PLCD3: variants seen among roughly 807,000 people sequenced by gnomAD.
The protein encoded by PLCD3 is phospholipase C delta 3, also known as 1-phosphatidylinositol 4,5-bisphosphate phosphodiesterase delta-3.
In PLCD3, 62 loss-of-function variants were observed where a neutral mutation model predicts 82.8. The ratio of observed to expected loss-of-function variants is 0.75; its 90% confidence interval spans 0.61 to 0.93. PLCD3 has a LOEUF of 0.93. Among genes scored for constraint, PLCD3 ranks in the 40% least tolerant of loss-of-function variants. The pLI, the probability that PLCD3 is intolerant of heterozygous loss-of-function variation, is 0.00. For synonymous variants in PLCD3, 478 were observed against 471.8 expected (o/e 1.01, Z -0.17); for missense variants, 1,023 against 1,103.4 (o/e 0.93, Z 1.03).
Position 45,132,324 on chromosome 17 carries a change from C to A in PLCD3, c.87G>T (p.Pro29=). The A allele has an allele frequency of 8.1e-7, 1 of 1,240,786 alleles. No homozygotes were observed. Among genetic ancestry groups the A allele is most frequent in the South Asian group, 4.0e-5 (1 of 25,112 alleles). The allele number at this position is 1,240,786 out of a possible 1,614,324, so 76.9% of individuals were successfully genotyped here. Reference sequence around the variant, plus strand: ...GAGTCGGCGGGGACGGGAGAGCGACCGGCGCCGCGACTTGGGCTGCGACCT... The same window carrying A: ...GAGTCGGCGGGGACGGGAGAGCGACAGGCGCCGCGACTTGGGCTGCGACCT... ...AAQVAAQVAA[P]VALPSPPTPS... Residue 29 remains proline (P), a synonymous_variant, in exon 1 of 15, where the codon CCG becomes CCT. Transcript: ENST00000619929. The surrounding 1 kb of genome is among the most constrained non-coding windows in gnomAD (Gnocchi z 4.6).
At chr17:45,127,550 C>G (rs562808700) in intron 1 of PLCD3, among the ~76,000 whole-genome samples, 1 of 152,306 alleles carries the variant, frequency 6.6e-6, no homozygotes, top group South Asian at 2.1e-4. Flanking sequence ...ACAGGTGCAC[C>G]ACTGAGCTCA....
Position 45,115,330 on chromosome 17 carries a change from A to T in PLCD3, c.1560+14T>A. On this transcript the variant is annotated intron_variant, in intron 9 of 14. Coordinates refer to ENST00000619929, the MANE Select transcript of PLCD3 (RefSeq NM_133373.5). ...CTTCCCCCCCTTCCCCACCCCACCCATCCCAGCTCTCACCAGCCGCCTCTG... is the reference window on the plus strand; with the variant it reads ...CTTCCCCCCCTTCCCCACCCCACCCTTCCCAGCTCTCACCAGCCGCCTCTG... The T allele has an allele frequency of 2.9e-6, 1 of 347,330 alleles. No homozygotes were observed. The highest frequency in any genetic ancestry group is 2.7e-5 in the South Asian group (1 of 36,518). 21.5% of individuals were successfully genotyped at this position (347,330 alleles called of 1,614,324 possible). A position where few individuals can be genotyped will look rare whatever the true frequency, so the allele number is the denominator to read the frequency against.
chr17:45,127,021 G>A (rs979576050), intron 1 of PLCD3, among the ~76,000 whole-genome samples: 1 of 152,236 alleles, frequency 6.6e-6, no homozygotes, highest in Non-Finnish European at 1.5e-5. Flanking sequence ...GTCGGCACCC[G>A]GTGGGGCTGA....
Position 45,118,699 on chromosome 17 carries a change from G to T in PLCD3, c.913+116C>A. On this transcript the variant is annotated intron_variant, in intron 5 of 14. Transcript: ENST00000619929. This position sits in a 1 kb window ranked among gnomAD's most constrained non-coding sequence, Gnocchi z 4.1. ...TTTTACACATGTGGAAGCTGAGTCT[G>T]GAGGAGGTGAGGTAACCTGCCCGAG... 8.5e-7 allele frequency: 1 copy of T among 1,179,916 alleles called. No individual in the cohort carries two copies. Among genetic ancestry groups the T allele is most frequent in the Non-Finnish European group, 1.2e-6 (1 of 849,840 alleles). The allele number at this position is 1,179,916 out of a possible 1,614,324, so 73.1% of individuals were successfully genotyped here. A position where few individuals can be genotyped will look rare whatever the true frequency, so the allele number is the denominator to read the frequency against.
chr17:45,125,160 CTGTTTAAAA>C (rs2054371808), intron 1 of PLCD3, among the ~76,000 whole-genome samples: 1 of 150,742 alleles, frequency 6.6e-6, no homozygotes. Flanking sequence ...AACCCTGTTT[CTGTTTAAAA>C]TATAAAACAT....
In PLCD3 at chr17:45,121,060, G is replaced by A. The variant is rs1219493364; in HGVS notation, c.396C>T (p.Ala132=). Residue 132 remains alanine (A), a synonymous_variant, in exon 3 of 15, where the codon GCC becomes GCT. Coordinates refer to ENST00000619929, the MANE Select transcript of PLCD3 (RefSeq NM_133373.5). ...QSEGLRRFGG[A]FAPARCLTIA... is the part of the protein sequence containing the mutation. ...TGGTGAGGCAGCGCGCTGGCGCGAA[G>A]GCACCCCCGAAGCGCCGCAGGCCCT... 5 of 1,542,190 alleles carry A rather than the reference G, an allele frequency of 3.2e-6. No individual in the cohort carries two copies. Among genetic ancestry groups the A allele is most frequent in the Non-Finnish European group, 4.3e-6 (5 of 1,152,170 alleles).
intron 1 of PLCD3, chr17:45,129,076 TACC>T (rs1297877768): frequency 2.0e-5 from 3 of 152,244 alleles, no homozygotes; most frequent in Non-Finnish European, 4.4e-5. Context: ...AGGCTACTGG[TACC>T]ACCTACCTCA....
Position 45,118,951 on chromosome 17 carries a change from G to T in PLCD3, c.777C>A (p.Ile259=), listed in dbSNP as rs764100366. 1.2e-6 allele frequency: 2 copies of T among 1,612,662 alleles called. No homozygotes were observed. The highest frequency in any genetic ancestry group is 8.5e-7 in the Non-Finnish European group (1 of 1,179,698). Residue 259 remains isoleucine, a synonymous_variant, in exon 5 of 15, where the codon ATC becomes ATA. Coordinates refer to ENST00000619929, the MANE Select transcript of PLCD3 (RefSeq NM_133373.5). This position sits in a 1 kb window ranked among gnomAD's most constrained non-coding sequence, Gnocchi z 4.1. ...RLLKRPELEE[I]FHQYSGEDRV... The stretch of plus-strand genomic sequence containing the variant: ...GGTCCTCGCCCGAGTACTGATGGAA[G>T]ATCTCCTCCAGCTCCGGCCGCTTCA...
At chr17:45,128,207 A>G (rs2054395834) in intron 1 of PLCD3, among the ~76,000 whole-genome samples, 2 of 152,184 alleles carry the variant, frequency 1.3e-5, no homozygotes, top group Admixed American at 6.5e-5. Flanking sequence ...TGGAGAATCA[A>G]CAAAGTCAGG....
Position 45,115,389 on chromosome 17 carries a change from G to T in PLCD3, c.1515C>A (p.Asp505Glu). The T allele has an allele frequency of 6.3e-7, 1 of 1,587,286 alleles. No individual in the cohort carries two copies. Among genetic ancestry groups the T allele is most frequent in the Non-Finnish European group, 8.6e-7 (1 of 1,168,634 alleles). ...CCTCCACCTCCTCTTCTTCCTCCTCGTCATCCTCCTCCTCCTCCTCCCGAT... is the reference window on the plus strand; with the variant it reads ...CCTCCACCTCCTCTTCTTCCTCCTCTTCATCCTCCTCCTCCTCCTCCCGAT... ...LSDREEEEED[D>E]EEEEEEVEAA... The change falls in exon 9 of 15, where the codon GAC (aspartate) becomes GAA (glutamate). Residue 505 changes from aspartate to glutamate, a missense_variant. By Grantham distance (45) the Asp-to-Glu change is conservative. Coordinates refer to ENST00000619929, the MANE Select transcript of PLCD3 (RefSeq NM_133373.5).
chr17:45,121,075 C>T lies in PLCD3; in HGVS notation c.381G>A (p.Arg127=). 1 of 1,542,152 alleles carries T rather than the reference C, an allele frequency of 6.5e-7. No individual in the cohort carries two copies. The highest frequency in any genetic ancestry group is 2.4e-5 in the East Asian group (1 of 40,952). The change falls in exon 3 of 15, where the codon CGG becomes CGA. Residue 127 remains arginine, a synonymous_variant. Transcript: ENST00000619929. The part of the protein sequence containing the change: ...VREGHQSEGL[R]RFGGAFAPAR... Reference sequence around the variant, plus strand: ...CTGGCGCGAAGGCACCCCCGAAGCGCCGCAGGCCCTCGGACTGGTGGCCCT... The same window carrying T: ...CTGGCGCGAAGGCACCCCCGAAGCGTCGCAGGCCCTCGGACTGGTGGCCCT...
chr17:45,121,431 C>CT, intron 1 of PLCD3, 59 bp from the exon 2 acceptor site: 1 of 1,435,466 alleles, frequency 7.0e-7, no homozygotes, highest in Non-Finnish European at 9.1e-7. Flanking sequence ...CTCCCCTGCC[C>CT]TCCCCCGCTA....
chr17:45,121,152 G>A, intron 2 of PLCD3, 22 bp from the exon 3 acceptor site: 1 of 1,520,236 alleles, frequency 6.6e-7, no homozygotes, highest in Non-Finnish European at 8.8e-7. Context: ...GCCGGGTCAG[G>A]GCGGAGGACC....
rs747224089 is a variant in PLCD3 at position 45,115,076 on chromosome 17, C to A, written c.1711+18G>T. ...TCTCACCCTCTCGCCCCCAGACACC[C>A]AGTGCCCCAGCTCCTACCTGCCTCC... On this transcript the variant is annotated intron_variant, in intron 10 of 14. Coordinates refer to ENST00000619929, the MANE Select transcript of PLCD3 (RefSeq NM_133373.5). 1.3e-6 allele frequency: 2 copies of A among 1,586,748 alleles called. No individual in the cohort carries two copies. Among genetic ancestry groups the A allele is most frequent in the Non-Finnish European group, 8.6e-7 (1 of 1,166,578 alleles).
rs1221764952 is a variant in PLCD3, at chr17:45,112,587, C to T, written c.*29G>A. On this transcript the variant is annotated 3_prime_UTR_variant, in exon 15 of 15. Transcript: ENST00000619929. ...TGCAGGGGATGTGGACTGGCACTCG[C>T]AGAACCCCAAGGCGAGTGAGGTGGG... 2 of 1,565,816 alleles carry T rather than the reference C, an allele frequency of 1.3e-6. No homozygotes were observed. Among genetic ancestry groups the T allele is most frequent in the East Asian group, 2.4e-5 (1 of 42,460 alleles).
In PLCD3 at chr17:45,113,569, TC is replaced by T. The variant is rs749552130; in HGVS notation, c.1864del (p.Asp622ThrfsTer8). 6.4e-7 allele frequency: 1 copy of T among 1,558,766 alleles called. No homozygotes were observed. The highest frequency in any genetic ancestry group is 1.2e-5 in the South Asian group (1 of 84,414). On this transcript the variant is annotated frameshift_variant, in exon 12 of 15. Coordinates refer to ENST00000619929, the MANE Select transcript of PLCD3 (RefSeq NM_133373.5). LOFTEE classifies it high-confidence loss of function. Reference protein sequence around the residue: ...LNFQTPGYEMDLNAGRFLVNG... With the variant: ...LNFQTPGYEMXLNAGRFLVNG... ...GACTAGGAAGCGCCCGGCATTGAGG[TC>T]CATCTCGTAGCCTGGCGTCTGGAAG... is the stretch of plus-strand genomic sequence containing the variant.
chr17:45,114,668 C>G (rs2054275340), intron 10 of PLCD3, among the ~76,000 whole-genome samples: 1 of 152,188 alleles, frequency 6.6e-6, no homozygotes. Flanking sequence ...GAATTCTTCT[C>G]CAGGCCAAGG....
rs749372209 is a variant in PLCD3, at chr17:45,119,019, G to A, written c.709C>T (p.Arg237Cys). ...FKECDHSNND[R>C]LEGAEIEEFL... ...TCCTCGATCTCAGCCCCCTCTAGAC[G>A]GTCGTTGTTGGAGTGGTCACACTCC... Residue 237 changes from arginine (R) to cysteine (C), a missense_variant, in exon 5 of 15, where the codon CGT (arginine) becomes TGT (cysteine). By Grantham distance (180) the Arg-to-Cys change is radical. This residue lies in a region of PLCD3 where 448 missense variants were observed against 406.3 expected (regional missense o/e 1.10). Coordinates refer to ENST00000619929, the MANE Select transcript of PLCD3 (RefSeq NM_133373.5). 18 of 1,610,322 alleles carry A rather than the reference G, an allele frequency of 1.1e-5. No homozygotes were observed. The highest frequency in any genetic ancestry group is 1.4e-5 in the Non-Finnish European group (17 of 1,178,830).
Position 45,111,208 on chromosome 17 carries a change from T to TTG in PLCD3, c.*1406_*1407dup, listed in dbSNP as rs1567875871. 6.6e-6 allele frequency: 1 copy of TTG among 152,138 alleles called. No individual in the cohort carries two copies. Among genetic ancestry groups the TTG allele is most frequent in the African/African-American group, 2.4e-5 (1 of 41,434 alleles). 9.4% of individuals were successfully genotyped at this position (152,138 alleles called of 1,614,324 possible). A position where few individuals can be genotyped will look rare whatever the true frequency, so the allele number is the denominator to read the frequency against. On this transcript the variant is annotated 3_prime_UTR_variant, in exon 15 of 15. Coordinates refer to ENST00000619929, the MANE Select transcript of PLCD3 (RefSeq NM_133373.5). ...GCGGCCCAAGCAGCGTTTCCAGCCT[T>TTG]TGTGTAAAAGGCTGGCTGGCTGGAG...
Sources: gnomAD v4.1 joint callset for allele counts (sites outside exome capture counted in the v4.1 genomes callset) on GRCh38, gnomAD v4.1.1 for gene constraint, gnomAD v4.1.1 regional missense constraint, Gnocchi (gnomAD v3.1) non-coding constraint, MANE v1.5 for transcripts, NCBI Gene and HGNC (gene_info 2026-07-23, HGNC 2026-07-21) for gene names.